The following ERC2 variants were observed in gnomAD, a reference collection of about 807,000 sequenced individuals.
ERC2 encodes the protein ERC protein 2.
Under a neutral mutation model 114.8 loss-of-function variants are expected in ERC2, and 42 were observed. That is an observed-to-expected ratio of 0.37 (90% CI 0.29 to 0.47). The LOEUF is 0.47. ERC2 is among the 20% of genes least tolerant of loss of function. ERC2 has a pLI of 0.99. For missense variants in ERC2, 939 were observed against 1,150.7 expected, an observed-to-expected ratio of 0.82 and a Z score of 2.66; for synonymous variants, 454 against 425.5, an observed-to-expected ratio of 1.07 and a Z score of -0.82.
chr3:55,981,350 G>T (rs1237326505), intron 12 of ERC2, among the ~76,000 whole-genome samples: 7 of 152,210 alleles, frequency 4.6e-5, no homozygotes, highest in Non-Finnish European at 8.8e-5. Flanking sequence ...TTTCTGACCT[G>T]TGGATAACCC....
At chr3:56,301,716 A>T (rs201855567) in intron 2 of ERC2, among the ~76,000 whole-genome samples, 1 of 37,442 alleles carries the variant, frequency 2.7e-5, no homozygotes, top group African/African-American at 5.8e-5. Flanking sequence ...AAATAAAAAT[A>T]AAAAAAAAAA....
chr3:56,360,481 T>C (rs1289479066), intron 2 of ERC2, among the ~76,000 whole-genome samples: 1 of 152,104 alleles, frequency 6.6e-6, no homozygotes, highest in Non-Finnish European at 1.5e-5. Context: ...GATGATACAA[T>C]GTGAAAACAT....
At chr3:56,433,210 G>T (rs1033785956) in intron 2 of ERC2, among the ~76,000 whole-genome samples, 1 of 150,248 alleles carries the variant, frequency 6.7e-6, no homozygotes, top group Non-Finnish European at 1.5e-5. Context: ...GAGAGAGAGA[G>T]AGAGCAAGAG....
chr3:55,756,507 CTGTTT>C (rs1392139840), intron 14 of ERC2, among the ~76,000 whole-genome samples: 8 of 152,192 alleles, frequency 5.3e-5, no homozygotes, highest in African/African-American at 1.9e-4. Flanking sequence ...CTGTGGATCA[CTGTTT>C]TTCCGGTTAG....
intron 14 of ERC2, among the ~76,000 whole-genome samples, chr3:55,830,019 C>T (rs1425954973): frequency 6.6e-6 from 1 of 152,172 alleles, no homozygotes; most frequent in African/African-American, 2.4e-5. Flanking sequence ...CCTGCAGCTA[C>T]ATCCAAATCA....
At chr3:56,165,538 C>T (rs141575740) in intron 4 of ERC2, among the ~76,000 whole-genome samples, 148 of 144,350 alleles carry the variant, frequency 1.0e-3, no homozygotes, top group African/African-American at 3.5e-3. Flanking sequence ...TATGAATATT[C>T]CACTACTGTT....
At chr3:56,369,327 T>C (rs1426138288) in intron 2 of ERC2, among the ~76,000 whole-genome samples, 1 of 152,176 alleles carries the variant, frequency 6.6e-6, no homozygotes. Flanking sequence ...CATGATAAAA[T>C]CCTCCAGGCA....
intron 2 of ERC2, among the ~76,000 whole-genome samples, chr3:56,313,360 A>G (rs2056710468): frequency 6.6e-6 from 1 of 152,088 alleles, no homozygotes; most frequent in African/African-American, 2.4e-5. Context: ...CATGAATTAT[A>G]TCTCAATAAA....
At position 55,560,445 on chromosome 3, in the gene ERC2, G is replaced by T. The variant is rs150532068; in HGVS notation, c.*40-49169C>A. 2.5e-3 allele frequency among the ~76,000 whole-genome samples: 375 copies of T among 152,282 alleles called. 3 individuals are homozygous for T. Among genetic ancestry groups the T allele is most frequent in the African/African-American group, 8.6e-3 (356 of 41,552 alleles). ...CCTTGGTCTCCTGGAGCCCTAAGCT[G>T]CCATGTAAGAAATTGCACTACCCAG... On this transcript the variant is annotated intron_variant, in intron 17 of 17. Transcript: ENST00000288221.
chr3:56,445,247 T>C (rs756431464), intron 1 of ERC2, among the ~76,000 whole-genome samples: 18 of 152,210 alleles, frequency 1.2e-4, no homozygotes, highest in Non-Finnish European at 2.4e-4. Flanking sequence ...GTCTGATTCC[T>C]TTCCTGCCTG....
intron 7 of ERC2, among the ~76,000 whole-genome samples, chr3:56,067,933 T>G (rs2076555535): frequency 6.6e-6 from 1 of 152,234 alleles, no homozygotes; most frequent in South Asian, 2.1e-4. Flanking sequence ...GCTGCTGGAT[T>G]CAGTTTGCCA....
At chr3:56,361,823 A>T (rs900287907) in intron 2 of ERC2, among the ~76,000 whole-genome samples, 1 of 152,222 alleles carries the variant, frequency 6.6e-6, no homozygotes, top group African/African-American at 2.4e-5. Context: ...TGCATCGTAA[A>T]TCATACACAG....
intron 15 of ERC2, among the ~76,000 whole-genome samples, chr3:55,722,661 G>A (rs1271267502): frequency 6.6e-6 from 1 of 152,086 alleles, no homozygotes; most frequent in Non-Finnish European, 1.5e-5. Context: ...GATAGTATCT[G>A]GAACGTAGTA....
chr3:56,218,050 AG>A (rs1323807343), intron 3 of ERC2, among the ~76,000 whole-genome samples: 1 of 152,252 alleles, frequency 6.6e-6, no homozygotes, highest in Non-Finnish European at 1.5e-5. Flanking sequence ...AAGAAAACCT[AG>A]GCAATACCAT....
chr3:55,784,387 A>G (rs896623481), intron 14 of ERC2, among the ~76,000 whole-genome samples: 62 of 152,224 alleles, frequency 4.1e-4, no homozygotes, highest in African/African-American at 1.5e-3. Flanking sequence ...GAGAGTTTCT[A>G]TAGGACTTAT....
intron 17 of ERC2, among the ~76,000 whole-genome samples, chr3:55,543,241 G>A (rs553724370): frequency 3.0e-4 from 46 of 152,228 alleles, no homozygotes; most frequent in Admixed American, 3.0e-3. Flanking sequence ...GGCTGTCCAC[G>A]TGTAAGCAGT....
chr3:55,569,663 T>G (rs1414616281), intron 17 of ERC2, among the ~76,000 whole-genome samples: 1 of 152,152 alleles, frequency 6.6e-6, no homozygotes, highest in Non-Finnish European at 1.5e-5. Context: ...TCACACACAT[T>G]TTTTTAAACT....
At chr3:56,210,241 T>C (rs189518207) in intron 3 of ERC2, among the ~76,000 whole-genome samples, 32 of 152,212 alleles carry the variant, frequency 2.1e-4, no homozygotes, top group Non-Finnish European at 1.0e-4. Flanking sequence ...GTGTTTCCTT[T>C]AATAAAAATT....
Position 55,697,955 on chromosome 3 carries a change from T to C in ERC2, c.2847+1423A>G, listed in dbSNP as rs1056541541. On this transcript the variant is annotated intron_variant, in intron 16 of 17. Transcript: ENST00000288221. Reference sequence around the variant, plus strand: ...TTAGTTAGCAGGATGCCAGGTCTACTGGAGCAGGCAGAGGTGGGGAGGTGG... The same window carrying C: ...TTAGTTAGCAGGATGCCAGGTCTACCGGAGCAGGCAGAGGTGGGGAGGTGG... Among the ~76,000 whole-genome samples the C allele has an allele frequency of 5.3e-5, 8 of 152,010 alleles. No individual in the cohort carries two copies. In the East Asian group the frequency reaches 7.7e-4, roughly 15 times the overall value.
Sources: allele counts gnomAD v4.1 joint callset (sites outside exome capture counted in the v4.1 genomes callset), GRCh38; gene constraint gnomAD v4.1.1; transcripts MANE v1.5; gene names NCBI Gene and HGNC (gene_info 2026-07-23, HGNC 2026-07-21).